ASAH2: variants seen among roughly 807,000 people sequenced by gnomAD.
ASAH2 encodes neutral ceramidase.
A neutral mutation model predicts 82.9 loss-of-function variants in ASAH2; 58 were observed. That is an observed-to-expected ratio of 0.70 (90% confidence interval 0.57 to 0.87). The LOEUF (loss-of-function observed/expected upper bound fraction) is 0.87. Among genes scored for constraint, ASAH2 ranks in the 40% least tolerant of loss-of-function variants. ASAH2 has a pLI of 0.00. For synonymous variants in ASAH2, 276 were observed against 289.7 expected (o/e 0.95, Z 0.48); for missense variants, 779 against 834.0 (o/e 0.93, Z 0.81).
intron 4 of ASAH2, among the ~76,000 whole-genome samples, chr10:50,240,140 A>AT (rs1846259596): frequency 6.6e-6 from 1 of 151,926 alleles, no homozygotes; most frequent in Admixed American, 6.6e-5. Flanking sequence ...CTCACATTTA[A>AT]TTTCCTATCC....
At chr10:50,242,296 C>A (rs961111095) in intron 4 of ASAH2, among the ~76,000 whole-genome samples, 1 of 152,144 alleles carries the variant, frequency 6.6e-6, no homozygotes, top group South Asian at 2.1e-4. Flanking sequence ...CTCTCCTCCC[C>A]AAGAGGGAGC....
At chr10:50,229,494 T>C (rs1845973913) in intron 7 of ASAH2, among the ~76,000 whole-genome samples, 1 of 152,150 alleles carries the variant, frequency 6.6e-6, no homozygotes, top group African/African-American at 2.4e-5. Flanking sequence ...AGGAACATAA[T>C]TTTATTTCAT....
chr10:50,243,187 T>A lies in ASAH2; in HGVS notation c.510+15A>T. 6.2e-7 allele frequency: 1 copy of A among 1,612,916 alleles called. No homozygotes were observed. The highest frequency in any genetic ancestry group is 8.5e-7 in the Non-Finnish European group (1 of 1,179,498). On this transcript the variant is annotated intron_variant, in intron 4 of 20. Transcript: ENST00000682911. ...ATATCATTTCTTCATTCATTTCTCC[T>A]CTCAAATCACTTACCTCCAGCCTGA...
intron 12 of ASAH2, among the ~76,000 whole-genome samples, chr10:50,209,032 A>C (rs1249918045): frequency 1.3e-5 from 2 of 152,208 alleles, no homozygotes; most frequent in East Asian, 3.9e-4. Flanking sequence ...AAGATTATAG[A>C]ATGGGTAAAT....
chr10:50,239,600 C>T (rs34715077), intron 4 of ASAH2, among the ~76,000 whole-genome samples: 36,327 of 151,902 alleles, frequency 0.24, 7,005 homozygotes, highest in African/African-American at 0.52. Flanking sequence ...GTTTGAATCC[C>T]AACTCTGACA....
intron 7 of ASAH2, among the ~76,000 whole-genome samples, chr10:50,222,283 TTTC>T (rs1845770553): frequency 6.6e-6 from 1 of 152,188 alleles, no homozygotes; most frequent in Non-Finnish European, 1.5e-5. Flanking sequence ...ATAGACTTGA[TTTC>T]TTCTTCTTTT....
At position 50,243,298 on chromosome 10, in the gene ASAH2, G is replaced by C; in HGVS notation, c.414C>G (p.Tyr138Ter). Reference sequence around the variant, plus strand: ...GTTCTGCCATGATGAAGGCACGACTGTATAGCCTGGTGAGGATGCCCTGTG... The same window carrying C: ...GTTCTGCCATGATGAAGGCACGACTCTATAGCCTGGTGAGGATGCCCTGTG... Reference protein sequence around the residue: ...QNAQGILTRLYSRAFIMAEPD... With the variant: ...QNAQGILTRL The change falls in exon 4 of 21, where the codon TAC (tyrosine) becomes TAG (stop). Residue 138 changes from tyrosine to a stop codon, truncating the protein, a stop_gained. Transcript: ENST00000682911. LOFTEE classifies it high-confidence loss of function. The C allele has an allele frequency of 6.2e-7, 1 of 1,614,154 alleles. No homozygotes were observed. The highest frequency in any genetic ancestry group is 1.1e-5 in the South Asian group (1 of 91,076).
intron 15 of ASAH2, among the ~76,000 whole-genome samples, chr10:50,203,255 C>T (rs1417346871): frequency 1.3e-5 from 2 of 152,014 alleles, no homozygotes; most frequent in East Asian, 1.9e-4. Flanking sequence ...ATTTTAGAAC[C>T]ATTTACAATA....
At chr10:50,218,403 T>A in intron 8 of ASAH2, 107 bp downstream of exon 8, 1 of 1,488,392 alleles carries the variant, frequency 6.7e-7, no homozygotes, top group East Asian at 2.3e-5. Flanking sequence ...TATGTGAGAT[T>A]GATGATGACA....
chr10:50,228,355 G>A (rs1412325255), intron 7 of ASAH2, among the ~76,000 whole-genome samples: 16 of 152,208 alleles, frequency 1.1e-4, no homozygotes, highest in African/African-American at 3.6e-4. Context: ...TTAAGTGGAC[G>A]GAGGGGAGAG....
At position 50,234,411 on chromosome 10, in the gene ASAH2, C is replaced by T. The variant is rs546897782; in HGVS notation, c.815+14G>A. ...AGGGAATGAAACGATTTCATTTTGA[C>T]GATTCCTCCTCACCTTGCTCTCTCT... On this transcript the variant is annotated intron_variant, in intron 6 of 20. Coordinates refer to ENST00000682911, the MANE Select transcript of ASAH2 (RefSeq NM_019893.4). 399 of 1,612,838 alleles carry T rather than the reference C, an allele frequency of 2.5e-4. 7 individuals carry two copies. The South Asian group carries it at 3.9e-3, about 16-fold the overall frequency.
intron 7 of ASAH2, among the ~76,000 whole-genome samples, chr10:50,226,717 T>C (rs1845894695): frequency 1.3e-5 from 2 of 152,012 alleles, no homozygotes; most frequent in African/African-American, 4.8e-5. Flanking sequence ...AAATATAGTT[T>C]ATTAATTAAA....
chr10:50,209,657 A>G (rs1845400743), intron 12 of ASAH2, among the ~76,000 whole-genome samples: 1 of 152,182 alleles, frequency 6.6e-6, no homozygotes, highest in Non-Finnish European at 1.5e-5. Context: ...GGGAACGTAT[A>G]CAGAATACAC....
Position 50,218,531 on chromosome 10 carries a change from G to C in ASAH2, c.993C>G (p.Asn331Lys), listed in dbSNP as rs1231540352. Residue 331 changes from asparagine (N) to lysine (K), a missense_variant, in exon 8 of 21, where the codon AAC becomes AAG. Asn to Lys is a moderately conservative substitution (Grantham distance 94, BLOSUM62 0). Transcript: ENST00000682911. ...YASYLLEQEK[N>K]KGYLPGQGPF... is the part of the protein sequence containing the mutation. ...TCACCTGTCCAGGTAGATATCCTTTGTTCTTCTCTTGCTCAAGCAGGTAAG... is the reference window on the plus strand; with the variant it reads ...TCACCTGTCCAGGTAGATATCCTTTCTTCTTCTCTTGCTCAAGCAGGTAAG... 1.2e-6 allele frequency: 2 copies of C among 1,613,532 alleles called. No homozygotes were observed. Among genetic ancestry groups the C allele is most frequent in the African/African-American group, 2.7e-5 (2 of 74,828 alleles).
At chr10:50,238,676 A>G (rs1315009849) in intron 4 of ASAH2, among the ~76,000 whole-genome samples, 1 of 152,168 alleles carries the variant, frequency 6.6e-6, no homozygotes, top group Non-Finnish European at 1.5e-5. Flanking sequence ...AGAGAAAAAG[A>G]GCCACGAGTC....
chr10:50,228,318 G>C (rs1845940845), intron 7 of ASAH2, among the ~76,000 whole-genome samples: 1 of 152,146 alleles, frequency 6.6e-6, no homozygotes, highest in Non-Finnish European at 1.5e-5. Context: ...AGTCACTAAG[G>C]TTTCAGCATT....
At chr10:50,204,050 G>A (rs2133201704) in intron 14 of ASAH2, among the ~76,000 whole-genome samples, 1 of 152,070 alleles carries the variant, frequency 6.6e-6, no homozygotes, top group South Asian at 2.1e-4. Flanking sequence ...CAATGTGGCT[G>A]AATCAGAGGT....
chr10:50,209,344 G>A (rs1309028337), intron 12 of ASAH2, among the ~76,000 whole-genome samples: 1 of 151,670 alleles, frequency 6.6e-6, no homozygotes, highest in Non-Finnish European at 1.5e-5. Context: ...AAAACCTACA[G>A]AATGGAAGAA....
intron 7 of ASAH2, among the ~76,000 whole-genome samples, chr10:50,227,560 C>T (rs1736258694): frequency 6.6e-6 from 1 of 151,934 alleles, no homozygotes; most frequent in Admixed American, 6.6e-5. Flanking sequence ...TTTAATTTTT[C>T]CTTCCTTTCT....
Sources: allele counts gnomAD v4.1 joint callset (sites outside exome capture counted in the v4.1 genomes callset), GRCh38; gene constraint gnomAD v4.1.1; transcripts MANE v1.5; gene names NCBI Gene and HGNC (gene_info 2026-07-23, HGNC 2026-07-21).